Variants in CFAP299 observed in about 807,000 individuals in gnomAD.
CFAP299 encodes cilia and flagella associated protein 299.
Under a neutral mutation model 27.0 loss-of-function variants are expected in CFAP299, and 21 were observed. The ratio of observed to expected loss-of-function variants is 0.78; its 90% confidence interval spans 0.55 to 1.12. CFAP299 has a LOEUF of 1.12. CFAP299 is among the 50% of genes most tolerant of loss of function. CFAP299 has a pLI of 0.00. For missense variants in CFAP299, 310 were observed against 276.6 expected (o/e 1.12, Z -0.86); for synonymous variants, 104 against 98.1 (o/e 1.06, Z -0.36).
At chr4:80,871,393 G>A (rs1733089909) in intron 4 of CFAP299, 1 of 985,248 alleles carries the variant, frequency 1.0e-6, no homozygotes, top group South Asian at 4.7e-5. Context: ...TACCCCACTG[G>A]GTACTGCTGA....
rs141846586 is a variant in CFAP299, at chr4:80,914,802, A to G, written c.477-30008A>G. ...AATATTCCCTTATTATGCCTTTACT[A>G]TCTGTAGGTTATGGAGCGATGTGTC... On this transcript the variant is annotated intron_variant, in intron 4 of 5. Transcript: ENST00000358105. 4.6e-5 allele frequency among the ~76,000 whole-genome samples: 7 copies of G among 152,222 alleles called. No individual in the cohort carries two copies. The East Asian group carries it at 1.4e-3, about 29-fold the overall frequency.
chr4:80,501,668 C>T (rs185891705), intron 2 of CFAP299, among the ~76,000 whole-genome samples: 1 of 151,060 alleles, frequency 6.6e-6, no homozygotes, highest in Non-Finnish European at 1.5e-5. Context: ...AGAATTTGCT[C>T]AACAGTTTGA....
chr4:80,854,747 A>G (rs374414777), intron 3 of CFAP299, among the ~76,000 whole-genome samples: 6 of 142,284 alleles, frequency 4.2e-5, no homozygotes, highest in African/African-American at 1.6e-4. Context: ...GTTTATGGTC[A>G]TTAATTTTTA....
intron 3 of CFAP299, among the ~76,000 whole-genome samples, chr4:80,862,675 G>A (rs534581602): frequency 1.3e-5 from 2 of 152,084 alleles, no homozygotes; most frequent in Non-Finnish European, 2.9e-5. Flanking sequence ...CCTGCAACCT[G>A]CTTTGGCCAA....
chr4:80,723,036 A>C (rs1213230972), intron 3 of CFAP299, among the ~76,000 whole-genome samples: 1 of 152,206 alleles, frequency 6.6e-6, no homozygotes, highest in African/African-American at 2.4e-5. Context: ...TGCAAATTAA[A>C]ACCACAATGC....
intron 2 of CFAP299, among the ~76,000 whole-genome samples, chr4:80,565,413 A>G: frequency 6.6e-6 from 1 of 152,078 alleles, no homozygotes; most frequent in East Asian, 1.9e-4. Flanking sequence ...ATTAAAAACA[A>G]TATGAACAGT....
chr4:80,732,186 A>G (rs1214727644), intron 3 of CFAP299, among the ~76,000 whole-genome samples: 1 of 152,148 alleles, frequency 6.6e-6, no homozygotes, highest in Admixed American at 6.6e-5. Context: ...GAGTATTTGA[A>G]GGAAGTGATT....
intron 3 of CFAP299, among the ~76,000 whole-genome samples, chr4:80,585,073 T>A (rs990392772): frequency 5.3e-5 from 8 of 151,992 alleles, no homozygotes; most frequent in Non-Finnish European, 1.0e-4. Flanking sequence ...GAATAAATTA[T>A]AGAAAGGATA....
intron 4 of CFAP299, chr4:80,871,309 A>G (rs1249912189): frequency 1.0e-6 from 1 of 985,174 alleles, no homozygotes; most frequent in South Asian, 4.7e-5. Flanking sequence ...TGTCTTTTTG[A>G]TTTTTGGTTG....
the CFAP299 span, among the ~76,000 whole-genome samples, chr4:80,329,629 A>G: frequency 3.3e-5 from 5 of 152,172 alleles, no homozygotes; most frequent in Non-Finnish European, 5.9e-5. Context: ...CATGAGTTGA[A>G]TTAGCTCTTA....
chr4:80,904,960 A>T (rs1735110216), intron 4 of CFAP299, among the ~76,000 whole-genome samples: 1 of 152,324 alleles, frequency 6.6e-6, no homozygotes, highest in South Asian at 2.1e-4. Flanking sequence ...ATGAATAAAA[A>T]GTGGTTTTAT....
chr4:80,350,834 C>G (rs1325472991), intron 1 of CFAP299, among the ~76,000 whole-genome samples: 1 of 151,778 alleles, frequency 6.6e-6, no homozygotes, highest in Non-Finnish European at 1.5e-5. Context: ...CTAATGCTTG[C>G]GGGGCTGAAA....
intron 3 of CFAP299, among the ~76,000 whole-genome samples, chr4:80,641,221 T>A (rs1739709915): frequency 6.6e-6 from 1 of 152,172 alleles, no homozygotes; most frequent in African/African-American, 2.4e-5. Flanking sequence ...TTTTTCTTTT[T>A]CGAGACAGAG....
At chr4:80,679,332 T>C (rs1002879225) in intron 3 of CFAP299, among the ~76,000 whole-genome samples, 3 of 152,080 alleles carry the variant, frequency 2.0e-5, no homozygotes, top group Admixed American at 2.0e-4. Context: ...ATTTATGTTG[T>C]TACCAGGTTT....
intron 3 of CFAP299, among the ~76,000 whole-genome samples, chr4:80,708,595 A>C (rs1188769788): frequency 2.0e-5 from 3 of 152,256 alleles, no homozygotes; most frequent in Non-Finnish European, 4.4e-5. Context: ...TTTATGAAAA[A>C]GTGCCTTTCG....
intron 2 of CFAP299, among the ~76,000 whole-genome samples, chr4:80,453,884 A>C (rs998593115): frequency 7.1e-6 from 1 of 141,406 alleles, no homozygotes; most frequent in African/African-American, 2.6e-5. Flanking sequence ...TAATAATAAT[A>C]ATAATCTTGC....
intron 2 of CFAP299, among the ~76,000 whole-genome samples, chr4:80,369,138 G>T (rs1242360230): frequency 6.6e-6 from 1 of 152,182 alleles, no homozygotes; most frequent in East Asian, 1.9e-4. Flanking sequence ...ACTAAGAAAA[G>T]TTGAGGCCAA....
At chr4:80,867,143 T>A (rs1732791948) in intron 3 of CFAP299, among the ~76,000 whole-genome samples, 1 of 152,168 alleles carries the variant, frequency 6.6e-6, no homozygotes, top group Admixed American at 6.5e-5. Context: ...TGAAACTTTG[T>A]TTTTAAAGGT....
intron 4 of CFAP299, among the ~76,000 whole-genome samples, chr4:80,895,879 T>G (rs1182974218): frequency 1.3e-5 from 2 of 152,042 alleles, no homozygotes; most frequent in African/African-American, 4.8e-5. Context: ...CAAACAAAAC[T>G]CACTCGGATG....
Sources: allele counts gnomAD v4.1 joint callset (sites outside exome capture counted in the v4.1 genomes callset), GRCh38; gene constraint gnomAD v4.1.1; transcripts MANE v1.5; gene names NCBI Gene and HGNC (gene_info 2026-07-23, HGNC 2026-07-21).